CIMIP6: variants seen among roughly 807,000 people sequenced by gnomAD.
CIMIP6 encodes the protein ciliary microtubule inner protein 6.
chr2:54,348,531 T>A, the CIMIP6 span, among the ~76,000 whole-genome samples: 8 of 152,232 alleles, frequency 5.3e-5, no homozygotes, highest in African/African-American at 1.9e-4. Context: ...ATGATAATTA[T>A]ACATTCTTCA....
chr2:54,382,269 T>A, the CIMIP6 span, among the ~76,000 whole-genome samples: 5 of 152,164 alleles, frequency 3.3e-5, no homozygotes, highest in African/African-American at 1.2e-4. Flanking sequence ...AGAGTAAATA[T>A]TCAAGAGAAA....
chr2:54,382,073 T>C, the CIMIP6 span: 1 of 1,389,890 alleles, frequency 7.2e-7, no homozygotes, highest in South Asian at 1.7e-5. Context: ...TGAAGAGAAC[T>C]TAATAAAGTC....
chr2:54,331,643 G>A, the CIMIP6 span, among the ~76,000 whole-genome samples: 1 of 151,970 alleles, frequency 6.6e-6, no homozygotes, highest in Non-Finnish European at 1.5e-5. Context: ...GCAGCACCTG[G>A]TTGTTAGGAA....
the CIMIP6 span, among the ~76,000 whole-genome samples, chr2:54,366,374 C>A: frequency 3.9e-5 from 6 of 152,158 alleles, no homozygotes; most frequent in South Asian, 6.2e-4. Flanking sequence ...ATGGCCTAAT[C>A]TGTATGAGAA....
At chr2:54,333,705 A>G in the CIMIP6 span, among the ~76,000 whole-genome samples, 1 of 152,136 alleles carries the variant, frequency 6.6e-6, no homozygotes, top group South Asian at 2.1e-4. Context: ...CCTGGCCAAC[A>G]TGACGAAACC....
the CIMIP6 span, among the ~76,000 whole-genome samples, chr2:54,373,200 A>G: frequency 6.6e-6 from 1 of 151,948 alleles, no homozygotes; most frequent in African/African-American, 2.4e-5. Flanking sequence ...GAGTGACACA[A>G]CCTTCACAGT....
At chr2:54,360,143 G>C in the CIMIP6 span, 2 of 1,468,304 alleles carry the variant, frequency 1.4e-6, no homozygotes, top group Non-Finnish European at 1.8e-6. Flanking sequence ...TCAGTTCACA[G>C]CTGCATCTTC....
At chr2:54,380,615 G>A in the CIMIP6 span, among the ~76,000 whole-genome samples, 12 of 152,300 alleles carry the variant, frequency 7.9e-5, no homozygotes, top group South Asian at 6.2e-4. Flanking sequence ...TCTACCTGTC[G>A]ACATTACAGG....
chr2:54,353,736 G>C, the CIMIP6 span, among the ~76,000 whole-genome samples: 3 of 152,070 alleles, frequency 2.0e-5, no homozygotes, highest in Admixed American at 6.6e-5. Flanking sequence ...CTTTTTCAAA[G>C]GTCCTTAACT....
At chr2:54,343,177 T>C in the CIMIP6 span, among the ~76,000 whole-genome samples, 71 of 152,306 alleles carry the variant, frequency 4.7e-4, 1 homozygote, top group African/African-American at 1.7e-3. Flanking sequence ...AGAAAAATAG[T>C]TAAGCACACT....
chr2:54,382,111 A>C, the CIMIP6 span: 5 of 1,204,990 alleles, frequency 4.1e-6, no homozygotes, highest in Admixed American at 1.4e-4. Context: ...CAAATTTCCT[A>C]CTATAGAAAT....
the CIMIP6 span, among the ~76,000 whole-genome samples, chr2:54,361,889 A>T: frequency 1.3e-5 from 2 of 152,178 alleles, no homozygotes; most frequent in Non-Finnish European, 2.9e-5. Flanking sequence ...TCCAAAGTAG[A>T]AAGATAGAAT....
chr2:54,381,869 A>G, the CIMIP6 span: 5 of 1,547,566 alleles, frequency 3.2e-6, no homozygotes, highest in Non-Finnish European at 4.4e-6. Flanking sequence ...AAAAGGAGCC[A>G]AGACTGTAAC....
At chr2:54,350,221 T>C in the CIMIP6 span, among the ~76,000 whole-genome samples, 1 of 152,254 alleles carries the variant, frequency 6.6e-6, no homozygotes, top group Non-Finnish European at 1.5e-5. Context: ...ATTTAAAAGA[T>C]TCATTTTAAT....
At chr2:54,344,765 T>G in the CIMIP6 span, among the ~76,000 whole-genome samples, 1 of 151,770 alleles carries the variant, frequency 6.6e-6, no homozygotes, top group Non-Finnish European at 1.5e-5. Flanking sequence ...TTATGCCAGT[T>G]AAAAAAAAGA....
the CIMIP6 span, among the ~76,000 whole-genome samples, chr2:54,373,812 C>T: frequency 6.6e-6 from 1 of 152,206 alleles, no homozygotes; most frequent in East Asian, 1.9e-4. Context: ...GCTTTGCCTG[C>T]TTCTGTGCTG....
chr2:54,368,816 A>G, the CIMIP6 span, among the ~76,000 whole-genome samples: 1 of 152,242 alleles, frequency 6.6e-6, no homozygotes, highest in African/African-American at 2.4e-5. Context: ...TGTTGACAGA[A>G]GTCAGCACTG....
chr2:54,344,417 G>A, the CIMIP6 span, among the ~76,000 whole-genome samples: 1 of 152,122 alleles, frequency 6.6e-6, no homozygotes, highest in South Asian at 2.1e-4. Flanking sequence ...AAGACTAGAA[G>A]CCTATTGATA....
chr2:54,383,667 A>T, the CIMIP6 span: 1 of 151,694 alleles, frequency 6.6e-6, no homozygotes. Context: ...TTATTCGCGT[A>T]AATATATTTT....
Sources: gnomAD v4.1 joint callset for allele counts (sites outside exome capture counted in the v4.1 genomes callset) on GRCh38, gnomAD v4.1.1 for gene constraint, MANE v1.5 for transcripts, NCBI Gene and HGNC (gene_info 2026-07-23, HGNC 2026-07-21) for gene names.